TTLL4: variants seen among roughly 807,000 people sequenced by gnomAD.
The protein encoded by TTLL4 is tubulin monoglutamylase TTLL4.
In TTLL4, 85 loss-of-function variants were observed where a neutral mutation model predicts 122.7. That is an observed-to-expected ratio of 0.69 (90% CI 0.58 to 0.83). The LOEUF (loss-of-function observed/expected upper bound fraction) is 0.83. Among genes scored for constraint, TTLL4 ranks in the 40% least tolerant of loss-of-function variants. TTLL4 has a pLI of 0.00. For missense variants in TTLL4, 1,363 were observed against 1,488.6 expected (o/e 0.92, Z 1.39); for synonymous variants, 553 against 563.0 (o/e 0.98, Z 0.25).
chr2:218,730,311 C>CAAAA lies in TTLL4; in HGVS notation c.-99+2999_-99+3002dup, dbSNP rs548186206. 8.7e-3 allele frequency among the ~76,000 whole-genome samples: 124 copies of CAAAA among 14,290 alleles called. 7 individuals carry two copies. Among genetic ancestry groups the CAAAA allele is most frequent in the African/African-American group, 0.021 (67 of 3,244 alleles). 9.4% of individuals were successfully genotyped at this position (14,290 alleles called of 152,430 possible). A position where few individuals can be genotyped will look rare whatever the true frequency, so the allele number is the denominator to read the frequency against. On this transcript the variant is annotated intron_variant, in intron 2 of 19. Transcript: ENST00000392102. ...TGAAACCCCATCTTTACTAAAAATC[C>CAAAA]AAAAAAAAAAAAAAAAAAAAAAAAA...
intron 5 of TTLL4, among the ~76,000 whole-genome samples, chr2:218,743,295 G>A (rs2106443753): frequency 6.6e-6 from 1 of 152,304 alleles, no homozygotes; most frequent in East Asian, 1.9e-4. Flanking sequence ...AATCACAGCA[G>A]TATGTCACCT....
Position 218,738,585 on chromosome 2 carries a change from C to T in TTLL4, c.909C>T (p.Ser303=), listed in dbSNP as rs1287510384. The T allele has an allele frequency of 6.2e-7, 1 of 1,614,230 alleles. No homozygotes were observed. The highest frequency in any genetic ancestry group is 1.7e-5 in the Admixed American group (1 of 60,018). ...HDTSTTSVAS[S]WYNRNNLAMR... is the part of the protein sequence containing the mutation. ...CATCCACCACCAGTGTTGCCTCTTC[C>T]TGGTATAACCGGAATAACTTAGCCA... Residue 303 remains serine (S), a synonymous_variant, in exon 3 of 20, where the codon TCC becomes TCT. Transcript: ENST00000392102.
chr2:218,747,984 G>A lies in TTLL4; in HGVS notation c.2379-121G>A. 7.3e-7 allele frequency: 1 copy of A among 1,376,556 alleles called. No individual in the cohort carries two copies. The highest frequency in any genetic ancestry group is 1.0e-6 in the Non-Finnish European group (1 of 992,604). 85.3% of individuals were successfully genotyped at this position (1,376,556 alleles called of 1,614,324 possible). ...CAGTAGACACACTTCTCAGGCTCTT[G>A]TGGCTATGAAAAGATCTGTGTACTT... On this transcript the variant is annotated intron_variant, in intron 11 of 19. Coordinates refer to ENST00000392102, the MANE Select transcript of TTLL4 (RefSeq NM_014640.5). The surrounding 1 kb of genome is among the most constrained non-coding windows in gnomAD (Gnocchi z 4.7).
intron 16 of TTLL4, among the ~76,000 whole-genome samples, chr2:218,752,409 T>C (rs1008491392): frequency 2.0e-5 from 3 of 152,204 alleles, no homozygotes; most frequent in Admixed American, 2.0e-4. Flanking sequence ...CCCAGGAAGC[T>C]GACTTTCTCA....
At chr2:218,730,920 A>G (rs919855072) in intron 2 of TTLL4, among the ~76,000 whole-genome samples, 2 of 152,196 alleles carry the variant, frequency 1.3e-5, no homozygotes, top group African/African-American at 2.4e-5. Context: ...CCTGGGCAAC[A>G]TAGTGGAACT....
Position 218,751,756 on chromosome 2 carries a change from G to A in TTLL4, c.2926G>A (p.Ala976Thr). Residue 976 changes from alanine (A) to threonine (T), a missense_variant, in exon 16 of 20, where the codon GCA becomes ACA. Ala to Thr is a moderately conservative substitution (Grantham distance 58). Transcript: ENST00000392102. The part of the protein sequence containing the change: ...KCRMAPEHVT[A>T]QKMKKAYYLT... ...TCGAATGGCTCCAGAGCATGTCACT[G>A]CACAGAAGATGAAGAAAGCCTATTA... 6.2e-7 allele frequency: 1 copy of A among 1,613,578 alleles called. No homozygotes were observed. Among genetic ancestry groups the A allele is most frequent in the South Asian group, 1.1e-5 (1 of 91,042 alleles).
At chr2:218,758,863 A>G (rs1943194558), downstream of TTLL4, among the ~76,000 whole-genome samples, 1 of 152,260 alleles carries the variant, frequency 6.6e-6, no homozygotes, top group Non-Finnish European at 1.5e-5. Flanking sequence ...TCATAGTAGC[A>G]AAAATTTAGA....
At chr2:218,714,259 C>T (rs1170023414) in intron 1 of TTLL4, among the ~76,000 whole-genome samples, 2 of 152,180 alleles carry the variant, frequency 1.3e-5, no homozygotes, top group African/African-American at 4.8e-5. Flanking sequence ...AGAGAGAATA[C>T]ATAACCAAAT....
At chr2:218,730,311 CA>C (rs548186206) in intron 2 of TTLL4, among the ~76,000 whole-genome samples, 699 of 14,188 alleles carry the variant, frequency 0.049, 178 homozygotes, top group Admixed American at 0.1. Context: ...ACTAAAAATC[CA>C]AAAAAAAAAA....
rs1258718606 is a variant in TTLL4 at position 218,738,153 on chromosome 2, C to T, written c.477C>T (p.Ala159=). ...PQKSLPVSLT[A]NKATSSMVFS... ...AGAGCCTCCCTGTCAGTCTCACTGC[C>T]AACAAGGCCACTTCTTCCATGGTCT... is the stretch of plus-strand genomic sequence containing the variant. The change falls in exon 3 of 20, where the codon GCC becomes GCT. Residue 159 remains alanine, a synonymous_variant. Coordinates refer to ENST00000392102, the MANE Select transcript of TTLL4 (RefSeq NM_014640.5). 13 of 1,613,956 alleles carry T rather than the reference C, an allele frequency of 8.1e-6. No homozygotes were observed. The South Asian group carries it at 1.2e-4, about 15-fold the overall frequency.
Position 218,753,588 on chromosome 2 carries a change from C to G in TTLL4, c.3263C>G (p.Ser1088Cys), listed in dbSNP as rs1417247216. 6.8e-6 allele frequency: 11 copies of G among 1,614,122 alleles called. No homozygotes were observed. The highest frequency in any genetic ancestry group is 9.3e-6 in the Non-Finnish European group (11 of 1,180,010). ...CATTGCTTCCTTTGCTCTTAGTGGT[C>G]TCTCCCGACATCACTTCTGACTATC... ...GVVSDSAPVW[S>C]LPTSLLTISK... The change falls in exon 19 of 20, where the codon TCT becomes TGT. Residue 1088 changes from serine (S) to cysteine (C), a missense_variant. Around this residue, in one of 3 missense-constraint regions of TTLL4, gnomAD observed 596 missense variants for 655.8 expected, o/e 0.91. Coordinates refer to ENST00000392102, the MANE Select transcript of TTLL4 (RefSeq NM_014640.5).
At chr2:218,729,712 GATAA>G (rs1942301898) in intron 2 of TTLL4, among the ~76,000 whole-genome samples, 1 of 138,320 alleles carries the variant, frequency 7.2e-6, no homozygotes. Flanking sequence ...TTTTTTATTT[GATAA>G]ATGTTTTAGG....
At position 218,747,148 on chromosome 2, in the gene TTLL4, G is replaced by T. The variant is rs115789963; in HGVS notation, c.2120G>T (p.Arg707Leu). 1 of 1,614,186 alleles carries T rather than the reference G, an allele frequency of 6.2e-7. No homozygotes were observed. The highest frequency in any genetic ancestry group is 8.5e-7 in the Non-Finnish European group (1 of 1,180,036). ...FILPQDAKLL[R>L]KAWESSSRQK... ...CTGCCCCAGGACGCCAAGCTCCTGCGCAAAGCGTGGGAGAGCAGCAGCCGC... is the reference window on the plus strand; with the variant it reads ...CTGCCCCAGGACGCCAAGCTCCTGCTCAAAGCGTGGGAGAGCAGCAGCCGC... The change falls in exon 9 of 20, where the codon CGC (arginine) becomes CTC (leucine). Residue 707 changes from arginine (R) to leucine (L), a missense_variant. Physicochemically the swap from Arg to Leu is moderately radical, Grantham distance 102 (BLOSUM62 -2). Coordinates refer to ENST00000392102, the MANE Select transcript of TTLL4 (RefSeq NM_014640.5). The surrounding 1 kb of genome is among the most constrained non-coding windows in gnomAD (Gnocchi z 4.7).
rs781044606 is a variant in TTLL4 at position 218,738,000 on chromosome 2, C to A, written c.324C>A (p.Leu108=). 1 of 1,614,204 alleles carries A rather than the reference C, an allele frequency of 6.2e-7. No individual in the cohort carries two copies. The highest frequency in any genetic ancestry group is 1.1e-5 in the South Asian group (1 of 91,086). The change falls in exon 3 of 20, where the codon CTC becomes CTA. Residue 108 remains leucine (L), a synonymous_variant. Transcript: ENST00000392102. ...GCAGTTCCTGTTACCTACACTCTCTCCCGGACTTGTTCAACAGCACCCTGC... is the reference window on the plus strand; with the variant it reads ...GCAGTTCCTGTTACCTACACTCTCTACCGGACTTGTTCAACAGCACCCTGC... ...GHSSSCYLHS[L]PDLFNSTLLY...
intron 1 of TTLL4, among the ~76,000 whole-genome samples, chr2:218,717,621 C>T (rs193045979): frequency 3.9e-5 from 6 of 152,288 alleles, no homozygotes; most frequent in Admixed American, 6.5e-5. Context: ...TATACGGACC[C>T]ACCCTTCTCA....
chr2:218,715,385 T>G (rs1416527171), intron 1 of TTLL4, among the ~76,000 whole-genome samples: 1 of 152,240 alleles, frequency 6.6e-6, no homozygotes, highest in Non-Finnish European at 1.5e-5. Context: ...GAACATTTCA[T>G]ACTTTGTTAT....
chr2:218,743,764 C>T (rs1481288558), intron 5 of TTLL4, among the ~76,000 whole-genome samples: 1 of 152,162 alleles, frequency 6.6e-6, no homozygotes, highest in African/African-American at 2.4e-5. Flanking sequence ...ATTGCAACTT[C>T]TGCCTCCTGG....
intron 2 of TTLL4, among the ~76,000 whole-genome samples, 159 bp from the exon 3 acceptor site, chr2:218,737,420 T>C (rs1942554719): frequency 6.6e-6 from 1 of 152,150 alleles, no homozygotes; most frequent in South Asian, 2.1e-4. Context: ...GAAAACTCCC[T>C]GGAAATCTGG....
chr2:218,747,779 TGGAG>T lies in TTLL4; in HGVS notation c.2378+62_2378+65del. 6.2e-7 allele frequency: 1 copy of T among 1,605,572 alleles called. No homozygotes were observed. Among genetic ancestry groups the T allele is most frequent in the Non-Finnish European group, 8.5e-7 (1 of 1,174,552 alleles). ...ACAATATTGGGGATTTTATTTTCCT[TGGAG>T]GGAGGGAAACTAGAAGACACCAAAC... On this transcript the variant is annotated intron_variant, in intron 11 of 19. Coordinates refer to ENST00000392102, the MANE Select transcript of TTLL4 (RefSeq NM_014640.5). The surrounding 1 kb of genome is among the most constrained non-coding windows in gnomAD (Gnocchi z 4.7).
Sources: gnomAD v4.1 joint callset for allele counts (sites outside exome capture counted in the v4.1 genomes callset) on GRCh38, gnomAD v4.1.1 for gene constraint, gnomAD v4.1.1 regional missense constraint, Gnocchi (gnomAD v3.1) non-coding constraint, MANE v1.5 for transcripts, NCBI Gene and HGNC (gene_info 2026-07-23, HGNC 2026-07-21) for gene names.